ZNF618: variants seen among roughly 807,000 people sequenced by gnomAD.
ZNF618 encodes the protein zinc finger protein 618, also known as neural precursor cell expressed, developmentally down-regulated 10.
Under a neutral mutation model 103.0 loss-of-function variants are expected in ZNF618, and 34 were observed. That is an observed-to-expected ratio of 0.33 (90% confidence interval 0.25 to 0.44). The LOEUF is 0.44. ZNF618 is among the 20% of genes least tolerant of loss of function. The pLI is 1.00. For missense variants in ZNF618, 1,059 were observed against 1,295.4 expected, an observed-to-expected ratio of 0.82 and a Z score of 2.80; for synonymous variants, 551 against 542.2, an observed-to-expected ratio of 1.02 and a Z score of -0.23.
intron 2 of ZNF618, among the ~76,000 whole-genome samples, chr9:113,977,666 CA>C (rs762304698): frequency 3.3e-5 from 5 of 152,146 alleles, no homozygotes; most frequent in Non-Finnish European, 5.9e-5. Context: ...GCACCATTGC[CA>C]GACCCATTGG....
chr9:114,043,734 T>C (rs1470611527), intron 13 of ZNF618, among the ~76,000 whole-genome samples: 3 of 152,222 alleles, frequency 2.0e-5, no homozygotes, highest in African/African-American at 7.2e-5. Flanking sequence ...TTTTAAATTA[T>C]GGCCATTCTT....
intron 1 of ZNF618, among the ~76,000 whole-genome samples, chr9:113,921,620 C>T (rs1832659489): frequency 6.6e-6 from 1 of 152,188 alleles, no homozygotes. Flanking sequence ...TGGGAATGTG[C>T]TGTGGTCTTC....
At chr9:113,901,233 G>A (rs1587982206) in intron 1 of ZNF618, among the ~76,000 whole-genome samples, 1 of 152,228 alleles carries the variant, frequency 6.6e-6, no homozygotes, top group East Asian at 1.9e-4. Context: ...TTTGTCTCCA[G>A]TTCTCCTCAG....
chr9:113,992,742 G>C (rs1840193400), intron 3 of ZNF618, among the ~76,000 whole-genome samples: 2 of 152,242 alleles, frequency 1.3e-5, no homozygotes, highest in Admixed American at 6.5e-5. Flanking sequence ...AATGTTCCCA[G>C]TGACACAAAC....
At chr9:113,984,479 G>C (rs970904035) in intron 2 of ZNF618, among the ~76,000 whole-genome samples, 39 of 152,230 alleles carry the variant, frequency 2.6e-4, no homozygotes, top group African/African-American at 9.2e-4. Context: ...GGGCTGCAGG[G>C]TGTAGGGGTG....
intron 10 of ZNF618, among the ~76,000 whole-genome samples, chr9:114,018,442 A>G (rs994031374): frequency 2.0e-5 from 3 of 152,264 alleles, no homozygotes; most frequent in African/African-American, 7.2e-5. Flanking sequence ...ATGCACTTTC[A>G]GTGAGGTGTT....
intron 11 of ZNF618, 36 bp from the exon 12 acceptor site, chr9:114,032,609 C>T: frequency 2.5e-6 from 4 of 1,601,904 alleles, no homozygotes; most frequent in Non-Finnish European, 3.4e-6. Flanking sequence ...TGACCAATCA[C>T]CATTGTTTTC....
intron 13 of ZNF618, among the ~76,000 whole-genome samples, chr9:114,038,318 G>C (rs1844811686): frequency 6.6e-6 from 1 of 152,162 alleles, no homozygotes; most frequent in Non-Finnish European, 1.5e-5. Context: ...TGCAAATCAG[G>C]TCTGAGCTTT....
intron 2 of ZNF618, among the ~76,000 whole-genome samples, chr9:113,986,485 A>C (rs976372408): frequency 4.6e-5 from 7 of 152,144 alleles, no homozygotes; most frequent in Admixed American, 3.9e-4. Context: ...GGAGGTTGTG[A>C]TTAGGTTGCC....
At chr9:114,048,426 A>C (rs1260348903) in intron 14 of ZNF618, among the ~76,000 whole-genome samples, 1 of 152,186 alleles carries the variant, frequency 6.6e-6, no homozygotes, top group African/African-American at 2.4e-5. Context: ...CATACATACC[A>C]CTACATTCTA....
At chr9:113,948,539 A>G (rs1835263431) in intron 1 of ZNF618, among the ~76,000 whole-genome samples, 1 of 152,206 alleles carries the variant, frequency 6.6e-6, no homozygotes, top group Non-Finnish European at 1.5e-5. Flanking sequence ...AAGATTCTGG[A>G]GGCCCTGTAA....
At chr9:113,925,476 CTG>C (rs1474437582) in intron 1 of ZNF618, among the ~76,000 whole-genome samples, 2 of 148,334 alleles carry the variant, frequency 1.3e-5, no homozygotes, top group African/African-American at 2.5e-5. Flanking sequence ...CTGATGATCT[CTG>C]TCTTTTTATT....
At chr9:113,956,404 G>A (rs1231933895) in intron 1 of ZNF618, among the ~76,000 whole-genome samples, 2 of 152,054 alleles carry the variant, frequency 1.3e-5, no homozygotes, top group African/African-American at 2.4e-5. Flanking sequence ...ACTACTAAAT[G>A]GTTAGAACAG....
Position 114,050,327 on chromosome 9 carries a change from TGC to T in ZNF618, c.*162_*163del. The T allele has an allele frequency of 3.7e-6, 3 of 805,594 alleles. No homozygotes were observed. The highest frequency in any genetic ancestry group is 5.7e-6 in the Non-Finnish European group (3 of 528,674). 49.9% of individuals were successfully genotyped at this position (805,594 alleles called of 1,614,324 possible). ...AGTGCTTTTTTTATATGTGTGTGTGTGCGTGTATGTACACAGCCACACGTGTG... is the reference window on the plus strand; with the variant it reads ...AGTGCTTTTTTTATATGTGTGTGTGTGTGTATGTACACAGCCACACGTGTG... On this transcript the variant is annotated 3_prime_UTR_variant, in exon 15 of 15. Coordinates refer to ENST00000374126, the MANE Select transcript of ZNF618 (RefSeq NM_001318042.2).
At chr9:113,995,841 C>T (rs943618880) in intron 3 of ZNF618, among the ~76,000 whole-genome samples, 1 of 152,088 alleles carries the variant, frequency 6.6e-6, no homozygotes. Context: ...CCAGGGTTTT[C>T]ATCTCTTGGG....
At chr9:113,879,710 G>T (rs569598917) in intron 1 of ZNF618, among the ~76,000 whole-genome samples, 1 of 151,622 alleles carries the variant, frequency 6.6e-6, no homozygotes, top group African/African-American at 2.4e-5. Context: ...TTATTTTGGC[G>T]AAAGATCGTT....
intron 1 of ZNF618, among the ~76,000 whole-genome samples, chr9:113,966,612 T>C (rs1251911391): frequency 6.6e-6 from 1 of 152,198 alleles, no homozygotes; most frequent in Non-Finnish European, 1.5e-5. Flanking sequence ...ACAGTGGACT[T>C]TGGCTCTGTC....
chr9:113,966,108 G>A (rs777124553), intron 1 of ZNF618, among the ~76,000 whole-genome samples: 4 of 152,122 alleles, frequency 2.6e-5, no homozygotes, highest in Non-Finnish European at 4.4e-5. Context: ...TAACTATAGG[G>A]TTGTCAGTGA....
intron 1 of ZNF618, among the ~76,000 whole-genome samples, chr9:113,961,485 ATATT>A (rs780696648): frequency 5.3e-5 from 8 of 152,222 alleles, no homozygotes; most frequent in Admixed American, 2.6e-4. Flanking sequence ...AACTTCATAA[ATATT>A]TATGGAAAAA....
Sources: allele counts gnomAD v4.1 joint callset (sites outside exome capture counted in the v4.1 genomes callset), GRCh38; gene constraint gnomAD v4.1.1; transcripts MANE v1.5; gene names NCBI Gene and HGNC (gene_info 2026-07-23, HGNC 2026-07-21).